Variants in STOML3 observed in about 807,000 individuals in gnomAD.
STOML3 encodes the protein stomatin-like protein 3.
A neutral mutation model predicts 29.5 loss-of-function variants in STOML3; 31 were observed. That is an observed-to-expected ratio of 1.05 (90% confidence interval 0.79 to 1.42). The LOEUF (loss-of-function observed/expected upper bound fraction) is 1.42. Among genes scored for constraint, STOML3 ranks in the 40% most tolerant of loss-of-function variants. The probability of loss-of-function intolerance (pLI) is 0.00; values close to 1 mark genes in which losing one functional copy is unlikely to be tolerated. For missense variants in STOML3, 380 were observed against 363.0 expected (o/e 1.05, Z -0.38); for synonymous variants, 122 against 139.8 (o/e 0.87, Z 0.90).
rs972972630 is a variant in STOML3 at position 38,966,577 on chromosome 13, C to T, written c.*248G>A. ...CCTGCTATAAAGTCGGAGACCACCA[C>T]TAATTAATTATATAAGAATATTACA... On this transcript the variant is annotated 3_prime_UTR_variant, in exon 7 of 7. Transcript: ENST00000379631. The T allele has an allele frequency of 1.9e-5, 6 of 312,104 alleles. No homozygotes were observed. The highest frequency in any genetic ancestry group is 1.3e-4 in the African/African-American group (6 of 46,798). The allele number at this position is 312,104 out of a possible 1,614,324, so 19.3% of individuals were successfully genotyped here.
At chr13:38,985,847 A>G (rs1057111321) in intron 1 of STOML3, among the ~76,000 whole-genome samples, 3 of 149,786 alleles carry the variant, frequency 2.0e-5, no homozygotes, top group Admixed American at 2.0e-4. Flanking sequence ...AATAGAAAAA[A>G]TTTTGGAAGA....
intron 1 of STOML3, among the ~76,000 whole-genome samples, chr13:38,982,086 A>T (rs1163243188): frequency 6.6e-6 from 1 of 152,180 alleles, no homozygotes; most frequent in Non-Finnish European, 1.5e-5. Flanking sequence ...AGCAAGAAAA[A>T]AAGACAAAAC....
chr13:38,967,752 C>T (rs1880709929), intron 6 of STOML3, among the ~76,000 whole-genome samples: 1 of 152,168 alleles, frequency 6.6e-6, no homozygotes, highest in East Asian at 1.9e-4. Flanking sequence ...CCTTCATCAG[C>T]TAACAAGTAA....
At position 38,968,292 on chromosome 13, in the gene STOML3, C is replaced by G; in HGVS notation, c.651+108G>C. The G allele has an allele frequency of 2.0e-6, 3 of 1,469,232 alleles. No homozygotes were observed. In the South Asian group the frequency reaches 4.1e-5, roughly 20 times the overall value. The allele number at this position is 1,469,232 out of a possible 1,614,324, so 91.0% of individuals were successfully genotyped here. A position where few individuals can be genotyped will look rare whatever the true frequency, so the allele number is the denominator to read the frequency against. On this transcript the variant is annotated intron_variant, in intron 6 of 6. Transcript: ENST00000379631. Reference sequence around the variant, plus strand: ...TCAGTAAAACTGTGAAAAGAAACCCCTTTCTCATGCAAATAATTGACAGAC... The same window carrying G: ...TCAGTAAAACTGTGAAAAGAAACCCGTTTCTCATGCAAATAATTGACAGAC...
rs554108260 is a variant in STOML3, at chr13:38,979,417, G to GTCCC, written c.53-2621_53-2620insGGGA. The stretch of plus-strand genomic sequence containing the variant: ...CTCCTCAGTCCCACTTTTATCTAGA[G>GTCCC]AAGTTCTGTAGTTACCGGTTTGGTG... On this transcript the variant is annotated intron_variant, in intron 1 of 6. Coordinates refer to ENST00000379631, the MANE Select transcript of STOML3 (RefSeq NM_145286.3). 3.2e-3 allele frequency among the ~76,000 whole-genome samples: 485 copies of GTCCC among 152,290 alleles called. 1 individual carries two copies. The highest frequency in any genetic ancestry group is 5.6e-3 in the Admixed American group (85 of 15,290).
chr13:38,966,677 C>A lies in STOML3; in HGVS notation c.*148G>T, dbSNP rs559513036. The A allele has an allele frequency of 4.4e-6, 3 of 685,044 alleles. No homozygotes were observed. Among genetic ancestry groups the A allele is most frequent in the Non-Finnish European group, 7.5e-6 (3 of 401,452 alleles). 42.4% of individuals were successfully genotyped at this position (685,044 alleles called of 1,614,324 possible). On this transcript the variant is annotated 3_prime_UTR_variant, in exon 7 of 7. Transcript: ENST00000379631. ...GCTCTTTTTTTCTTCTCTGTATAGC[C>A]TCTAGAGCTTTTTCCTGCCAATGCT... is the stretch of plus-strand genomic sequence containing the variant.
At chr13:38,987,380 C>T (rs113898074) in intron 1 of STOML3, among the ~76,000 whole-genome samples, 11,206 of 151,898 alleles carry the variant, frequency 0.074, 463 homozygotes, top group South Asian at 0.13. Flanking sequence ...AAAAATTAGC[C>T]AGCCATGGTG....
At chr13:38,976,487 A>G (rs1038264272) in intron 3 of STOML3, 53 bp downstream of exon 3, 3 of 1,589,158 alleles carry the variant, frequency 1.9e-6, no homozygotes, top group African/African-American at 2.7e-5. Context: ...AGGTGGTAGC[A>G]GTAGTATTAG....
intron 3 of STOML3, among the ~76,000 whole-genome samples, chr13:38,973,142 CAT>C (rs1466387473): frequency 7.4e-6 from 1 of 135,992 alleles, no homozygotes; most frequent in East Asian, 2.4e-4. Context: ...ATTATCTGGG[CAT>C]GGTCACACAT....
chr13:38,977,308 A>G (rs1034119431), intron 1 of STOML3, among the ~76,000 whole-genome samples: 2 of 152,230 alleles, frequency 1.3e-5, no homozygotes, highest in Non-Finnish European at 2.9e-5. Context: ...TCACTTACCA[A>G]TTCTAAAGCA....
intron 1 of STOML3, among the ~76,000 whole-genome samples, chr13:38,986,970 C>A (rs1025421830): frequency 6.6e-6 from 1 of 151,990 alleles, no homozygotes; most frequent in Non-Finnish European, 1.5e-5. Flanking sequence ...TTTCTGTGAT[C>A]TAGATTCCAA....
At chr13:38,984,977 C>G (rs1019510580) in intron 1 of STOML3, among the ~76,000 whole-genome samples, 1 of 152,150 alleles carries the variant, frequency 6.6e-6, no homozygotes, top group African/African-American at 2.4e-5. Flanking sequence ...AATAGATTTA[C>G]TGATCTGTTG....
At chr13:38,971,961 C>T (rs186245235) in intron 4 of STOML3, among the ~76,000 whole-genome samples, 15 of 152,028 alleles carry the variant, frequency 9.9e-5, no homozygotes, top group South Asian at 2.1e-4. Context: ...AAAAGACTTA[C>T]GCAAAATACA....
intron 1 of STOML3, 25 bp from the exon 2 acceptor site, chr13:38,976,822 A>G (rs1325374149): frequency 8.8e-6 from 14 of 1,587,292 alleles, no homozygotes; most frequent in Non-Finnish European, 1.2e-5. Flanking sequence ...GGAAGCAAAT[A>G]TGTGATCAAT....
chr13:38,980,585 C>A (rs1417922536), intron 1 of STOML3, among the ~76,000 whole-genome samples: 1 of 152,124 alleles, frequency 6.6e-6, no homozygotes, highest in Non-Finnish European at 1.5e-5. Context: ...TAAGTGATGA[C>A]CACATTTGAT....
At chr13:38,985,523 T>C (rs1868480003) in intron 1 of STOML3, among the ~76,000 whole-genome samples, 1 of 152,184 alleles carries the variant, frequency 6.6e-6, no homozygotes, top group African/African-American at 2.4e-5. Context: ...TCCCATGCTT[T>C]CAGTTCTCTC....
chr13:38,970,325 C>G lies in STOML3; in HGVS notation c.376G>C (p.Ala126Pro). The G allele has an allele frequency of 1.2e-6, 2 of 1,614,166 alleles. No individual in the cohort carries two copies. The highest frequency in any genetic ancestry group is 1.7e-6 in the Non-Finnish European group (2 of 1,180,020). ...DGVVYYRIYSAVSAVANVNDV... is the reference protein window; with the variant it reads ...DGVVYYRIYSPVSAVANVNDV... ...TTGACATTAGCCACTGCTGAGACAG[C>G]ACTATAGATTCTGTAATAGACAACT... The change falls in exon 5 of 7, where the codon GCT (alanine) becomes CCT (proline). Residue 126 changes from alanine (A) to proline (P), a missense_variant. Ala to Pro is a conservative substitution (Grantham distance 27). Transcript: ENST00000379631.
intron 4 of STOML3, among the ~76,000 whole-genome samples, chr13:38,971,068 C>T (rs1020927604): frequency 1.3e-5 from 2 of 151,868 alleles, no homozygotes; most frequent in East Asian, 1.9e-4. Flanking sequence ...AGTTTGGCTC[C>T]GTCACCCAGG....
chr13:38,990,489 C>T (rs964593876), intron 1 of STOML3, among the ~76,000 whole-genome samples, 181 bp downstream of exon 1: 38 of 152,020 alleles, frequency 2.5e-4, no homozygotes, highest in Admixed American at 2.0e-4. Context: ...TTATAGACTG[C>T]CGTTCAAGAA....
Sources: gnomAD v4.1 joint callset for allele counts (sites outside exome capture counted in the v4.1 genomes callset) on GRCh38, gnomAD v4.1.1 for gene constraint, MANE v1.5 for transcripts, NCBI Gene and HGNC (gene_info 2026-07-23, HGNC 2026-07-21) for gene names.